Variants in EGFLAM observed in about 807,000 individuals in gnomAD.
The protein encoded by EGFLAM is EGF like, fibronectin type III and laminin G domains.
In EGFLAM, 79 loss-of-function variants were observed where a neutral mutation model predicts 113.1. The observed-to-expected ratio is 0.70, with a 90% confidence interval of 0.58 to 0.84. The LOEUF (loss-of-function observed/expected upper bound fraction) is 0.84, where lower values mean the gene tolerates loss of function less well. Ranked by LOEUF, EGFLAM falls within the 40% of genes least tolerant of loss-of-function variation. EGFLAM has a pLI of 0.00. For missense variants in EGFLAM, 1,265 were observed against 1,291.6 expected (o/e 0.98, Z 0.32); for synonymous variants, 504 against 487.6 (o/e 1.03, Z -0.44).
intron 1 of EGFLAM, among the ~76,000 whole-genome samples, chr5:38,323,708 C>A (rs1184980156): frequency 6.6e-6 from 1 of 151,794 alleles, no homozygotes; most frequent in African/African-American, 2.4e-5. Context: ...TAAGATCCCA[C>A]AAGACTTCAG....
At chr5:38,297,225 A>G (rs1231910839) in intron 1 of EGFLAM, among the ~76,000 whole-genome samples, 1 of 152,206 alleles carries the variant, frequency 6.6e-6, no homozygotes, top group African/African-American at 2.4e-5. Context: ...CATTAGAGGC[A>G]GCTGGGTGAA....
chr5:38,445,370 GGA>G, intron 17 of EGFLAM: 3 of 720,696 alleles, frequency 4.2e-6, no homozygotes, highest in Non-Finnish European at 5.9e-6. Context: ...TGAAGGTGAG[GGA>G]GCCTCAGAAG....
intron 20 of EGFLAM, chr5:38,462,598 A>C: frequency 3.5e-6 from 1 of 282,222 alleles, no homozygotes; most frequent in Non-Finnish European, 6.8e-6. Flanking sequence ...CTCTCTAATA[A>C]CTGTCCTCTC....
Position 38,407,900 on chromosome 5 carries a change from T to C in EGFLAM, c.1243T>C (p.Phe415Leu). 1 of 1,608,456 alleles carries C rather than the reference T, an allele frequency of 6.2e-7. No individual in the cohort carries two copies. Among genetic ancestry groups the C allele is most frequent in the Non-Finnish European group, 8.5e-7 (1 of 1,174,930 alleles). Residue 415 changes from phenylalanine to leucine, a missense_variant, in exon 9 of 22, where the codon TTT becomes CTT. Coordinates refer to ENST00000322350, the MANE Select transcript of EGFLAM (RefSeq NM_152403.4). The stretch of plus-strand genomic sequence containing the variant: ...TCAGGCATTTCAAATTACTCTTGAA[T>C]TTAGGGTAAGAGGGATGTGTTGTTT... Reference protein sequence around the residue: ...SYQAFQITLEFRAEAEDGLLL... With the variant: ...SYQAFQITLELRAEAEDGLLL...
Position 38,347,958 on chromosome 5 carries a change from G to A in EGFLAM, c.292-2543G>A, listed in dbSNP as rs1739516922. 2.0e-5 allele frequency among the ~76,000 whole-genome samples: 3 copies of A among 151,990 alleles called. No individual in the cohort carries two copies. The South Asian group carries it at 6.2e-4, about 32-fold the overall frequency. ...ACATTCAAGTGATATGAAAGAGGTG[G>A]AATCTGCTGCATAGGTAACTGATGA... On this transcript the variant is annotated intron_variant, in intron 3 of 21. Coordinates refer to ENST00000322350, the MANE Select transcript of EGFLAM (RefSeq NM_152403.4).
chr5:38,262,311 C>T (rs1757519295), intron 1 of EGFLAM, among the ~76,000 whole-genome samples: 1 of 152,204 alleles, frequency 6.6e-6, no homozygotes, highest in Non-Finnish European at 1.5e-5. Flanking sequence ...TTAATTCCCG[C>T]AGGCATATTG....
At chr5:38,332,717 G>A (rs1481297558) in intron 1 of EGFLAM, among the ~76,000 whole-genome samples, 1 of 152,242 alleles carries the variant, frequency 6.6e-6, no homozygotes, top group African/African-American at 2.4e-5. Flanking sequence ...AAAGGGATGG[G>A]TTGGGCTAGT....
chr5:38,302,348 G>A (rs1455684898), intron 1 of EGFLAM, among the ~76,000 whole-genome samples: 1 of 151,968 alleles, frequency 6.6e-6, no homozygotes, highest in African/African-American at 2.4e-5. Context: ...TGGCGTAGAC[G>A]TGGGAATCAG....
At chr5:38,316,981 C>T (rs1012385435) in intron 1 of EGFLAM, among the ~76,000 whole-genome samples, 3 of 152,164 alleles carry the variant, frequency 2.0e-5, no homozygotes, top group Non-Finnish European at 4.4e-5. Context: ...TGGTAGTCTG[C>T]TTGCTTCCGG....
Position 38,407,071 on chromosome 5 carries a change from T to G in EGFLAM, c.1072T>G (p.Cys358Gly), listed in dbSNP as rs1379131478. The change falls in exon 8 of 22, where the codon TGT (cysteine) becomes GGT (glycine). Residue 358 changes from cysteine to glycine, a missense_variant. Physicochemically the swap from Cys to Gly is radical, Grantham distance 159 (BLOSUM62 -3). Transcript: ENST00000322350. ...DETLCSADSFCVNDYTWGGSR... is the reference protein window; with the variant it reads ...DETLCSADSFGVNDYTWGGSR... ...AACTCTCTGCTCTGCTGACAGCTTC[T>G]GTGTCAATGACTACACCTGGGGGGG... 6.2e-7 allele frequency: 1 copy of G among 1,614,166 alleles called. No homozygotes were observed.
chr5:38,275,484 T>C (rs762434578), intron 1 of EGFLAM, among the ~76,000 whole-genome samples: 2 of 152,200 alleles, frequency 1.3e-5, no homozygotes, highest in African/African-American at 4.8e-5. Flanking sequence ...AAGGTCGGTA[T>C]ATAATGATAA....
At chr5:38,351,255 C>T (rs1238052146) in intron 4 of EGFLAM, among the ~76,000 whole-genome samples, 1 of 152,022 alleles carries the variant, frequency 6.6e-6, no homozygotes. Flanking sequence ...ACTATAGTCA[C>T]ATGCCATCAC....
At position 38,434,381 on chromosome 5, in the gene EGFLAM, AC is replaced by A. The variant is rs747284090; in HGVS notation, c.2167-752del. Among the ~76,000 whole-genome samples, 8 of 151,882 alleles carry A rather than the reference AC, an allele frequency of 5.3e-5. No individual in the cohort carries two copies. In the South Asian group the frequency reaches 1.5e-3, roughly 28 times the overall value. ...TTGTCTGTATTCCCTGCTCGCATAA[AC>A]CCCTGCAGGGCAGGACTGGGTCTTT... On this transcript the variant is annotated intron_variant, in intron 15 of 21. Transcript: ENST00000322350.
intron 5 of EGFLAM, among the ~76,000 whole-genome samples, chr5:38,358,622 C>T (rs1739831370): frequency 6.6e-6 from 1 of 151,892 alleles, no homozygotes; most frequent in African/African-American, 2.4e-5. Flanking sequence ...ACTTCTATTA[C>T]CCCCAAAATA....
chr5:38,448,106 G>T, intron 17 of EGFLAM, 195 bp from the exon 18 acceptor site: 1 of 606,558 alleles, frequency 1.6e-6, no homozygotes, highest in Non-Finnish European at 2.9e-6. Context: ...GGGAAAAATG[G>T]GGGAGAAGCC....
chr5:38,262,506 T>C (rs138509659), intron 1 of EGFLAM, among the ~76,000 whole-genome samples: 18 of 152,296 alleles, frequency 1.2e-4, no homozygotes, highest in Middle Eastern at 3.4e-3. Context: ...TGTCCCTTTG[T>C]AGAAAAATGA....
intron 1 of EGFLAM, among the ~76,000 whole-genome samples, chr5:38,320,411 A>C (rs1360563906): frequency 6.6e-6 from 1 of 152,204 alleles, no homozygotes; most frequent in Admixed American, 6.5e-5. Context: ...CTTGAGAACC[A>C]CTGGCTTAGA....
chr5:38,278,063 A>T lies in EGFLAM; in HGVS notation c.97+19212A>T, dbSNP rs191015962. The stretch of plus-strand genomic sequence containing the variant: ...AATCCTAAAATTTGTATGGAACCAC[A>T]AAAGGCCCCAAATAACCAAAGCAAT... On this transcript the variant is annotated intron_variant, in intron 1 of 21. Transcript: ENST00000322350. 2.2e-3 allele frequency among the ~76,000 whole-genome samples: 338 copies of T among 152,338 alleles called. 1 individual carries two copies. The highest frequency in any genetic ancestry group is 7.8e-3 in the African/African-American group (324 of 41,586).
At chr5:38,300,463 C>A (rs1056892837) in intron 1 of EGFLAM, among the ~76,000 whole-genome samples, 1 of 151,942 alleles carries the variant, frequency 6.6e-6, no homozygotes, top group African/African-American at 2.4e-5. Flanking sequence ...GCAACCTTCG[C>A]CTTCTGGGTT....
Sources: allele counts gnomAD v4.1 joint callset (sites outside exome capture counted in the v4.1 genomes callset), GRCh38; gene constraint gnomAD v4.1.1; transcripts MANE v1.5; gene names NCBI Gene and HGNC (gene_info 2026-07-23, HGNC 2026-07-21).